The following ABCA13 variants were observed in gnomAD, a reference collection of about 807,000 sequenced individuals.
ABCA13 encodes the protein ATP-binding cassette sub-family A member 13.
Under a neutral mutation model 478.7 loss-of-function variants are expected in ABCA13, and 476 were observed. The ratio of observed to expected loss-of-function variants is 0.99; its 90% CI spans 0.92 to 1.07. The LOEUF is 1.07. Among genes scored for constraint, ABCA13 ranks in the 50% least tolerant of loss-of-function variants. The probability of loss-of-function intolerance (pLI) is 0.00; values close to 1 mark genes in which losing one functional copy is unlikely to be tolerated. For missense variants in ABCA13, 6,060 were observed against 5,910.6 expected, an observed-to-expected ratio of 1.03 and a Z score of -0.83; for synonymous variants, 2,252 against 2,158.9, an observed-to-expected ratio of 1.04 and a Z score of -1.20.
intron 52 of ABCA13, among the ~76,000 whole-genome samples, chr7:48,517,163 CT>C (rs755882397): frequency 1.3e-5 from 2 of 152,178 alleles, no homozygotes; most frequent in Non-Finnish European, 2.9e-5. Context: ...TGCCGCATCC[CT>C]AGCATTTTCA....
In ABCA13 at chr7:48,271,800, A is replaced by T; in HGVS notation, c.2134A>T (p.Thr712Ser). Residue 712 changes from threonine (T) to serine (S), a missense_variant, in exon 17 of 62, where the codon ACA becomes TCA. Physicochemically the swap from Thr to Ser is moderately conservative, Grantham distance 58. This residue lies in a region of ABCA13 where 4,423 missense variants were observed against 4,309.1 expected (regional missense o/e 1.03). Transcript: ENST00000435803. ...TASISRALNF[T>S]KHLLMMEKKL... ...TTAATATTACAGGGCTTTAAATTTC[A>T]CAAAGCACCTTCTAATGATGGAAAA... 6.7e-7 allele frequency: 1 copy of T among 1,502,194 alleles called. No individual in the cohort carries two copies. The highest frequency in any genetic ancestry group is 2.5e-5 in the East Asian group (1 of 40,574). The allele number at this position is 1,502,194 out of a possible 1,614,324, so 93.1% of individuals were successfully genotyped here.
intron 39 of ABCA13, 49 bp from the exon 40 acceptor site, chr7:48,410,471 C>G: frequency 6.2e-7 from 1 of 1,610,410 alleles, no homozygotes; most frequent in Non-Finnish European, 8.5e-7. Flanking sequence ...GAAGGTCCTC[C>G]TGGGGCCTTT....
intron 5 of ABCA13, among the ~76,000 whole-genome samples, chr7:48,224,298 C>A (rs534218333): frequency 6.6e-6 from 1 of 152,310 alleles, no homozygotes; most frequent in Admixed American, 6.5e-5. Context: ...GCTGGGGTGA[C>A]CACCAGACTC....
intron 51 of ABCA13, among the ~76,000 whole-genome samples, chr7:48,514,635 T>C (rs373251286): frequency 1.3e-4 from 20 of 152,184 alleles, no homozygotes; most frequent in South Asian, 4.1e-4. Flanking sequence ...TCAAAACAGT[T>C]GCGTGAAGGA....
chr7:48,219,963 A>G (rs1169741336), intron 4 of ABCA13, among the ~76,000 whole-genome samples: 1 of 150,344 alleles, frequency 6.7e-6, no homozygotes, highest in Non-Finnish European at 1.5e-5. Flanking sequence ...CTTCTTGTAT[A>G]TTTGGATTGG....
At chr7:48,537,086 T>C (rs566307264) in intron 55 of ABCA13, among the ~76,000 whole-genome samples, 1 of 152,260 alleles carries the variant, frequency 6.6e-6, no homozygotes, top group African/African-American at 2.4e-5. Context: ...TTTTCCAGAT[T>C]CTGACTTTTA....
intron 7 of ABCA13, among the ~76,000 whole-genome samples, chr7:48,230,967 G>C (rs1162249571): frequency 6.6e-6 from 1 of 152,100 alleles, no homozygotes; most frequent in Admixed American, 6.6e-5. Context: ...AGAATGCATG[G>C]ACACAGGGAG....
chr7:48,265,414 T>C (rs1794741665), intron 15 of ABCA13, among the ~76,000 whole-genome samples: 1 of 151,602 alleles, frequency 6.6e-6, no homozygotes, highest in African/African-American at 2.4e-5. Flanking sequence ...TTCTAGCTCA[T>C]GGTATATCTC....
intron 3 of ABCA13, among the ~76,000 whole-genome samples, chr7:48,217,903 A>C (rs181776062): frequency 6.6e-6 from 1 of 152,170 alleles, no homozygotes; most frequent in Non-Finnish European, 1.5e-5. Flanking sequence ...ATTACCTGAT[A>C]AAAGTCTCAA....
At chr7:48,369,677 G>A (rs543834543) in intron 32 of ABCA13, among the ~76,000 whole-genome samples, 7 of 152,090 alleles carry the variant, frequency 4.6e-5, no homozygotes, top group Non-Finnish European at 7.4e-5. Context: ...GTTTTTGTTT[G>A]CTTTGTTGAA....
intron 55 of ABCA13, among the ~76,000 whole-genome samples, chr7:48,573,098 A>G (rs1467375393): frequency 6.6e-6 from 1 of 152,042 alleles, no homozygotes; most frequent in African/African-American, 2.4e-5. Flanking sequence ...ATCAAATTAT[A>G]TTAATGTTTC....
At chr7:48,634,537 AT>A (rs532752898) in intron 59 of ABCA13, among the ~76,000 whole-genome samples, 21 of 151,508 alleles carry the variant, frequency 1.4e-4, no homozygotes, top group African/African-American at 4.4e-4. Flanking sequence ...ACATTTGTTG[AT>A]TTTTTTTCAT....
intron 29 of ABCA13, among the ~76,000 whole-genome samples, chr7:48,341,570 T>C (rs941281816): frequency 1.6e-4 from 25 of 151,996 alleles, no homozygotes; most frequent in Admixed American, 6.6e-4. Flanking sequence ...TTACCAATAA[T>C]TTTGCATCTC....
intron 35 of ABCA13, among the ~76,000 whole-genome samples, chr7:48,381,391 G>A (rs957257950): frequency 1.1e-4 from 16 of 147,330 alleles, no homozygotes; most frequent in African/African-American, 2.8e-4. Context: ...ACACACACAC[G>A]CACGCACACA....
intron 15 of ABCA13, among the ~76,000 whole-genome samples, chr7:48,252,063 T>C (rs1191442189): frequency 1.3e-5 from 2 of 152,200 alleles, no homozygotes; most frequent in Non-Finnish European, 2.9e-5. Context: ...TATATCCATT[T>C]AGTTTTCAAA....
intron 27 of ABCA13, among the ~76,000 whole-genome samples, chr7:48,325,822 A>G (rs906400309): frequency 1.3e-5 from 2 of 152,212 alleles, no homozygotes; most frequent in African/African-American, 2.4e-5. Flanking sequence ...AAACAGAACT[A>G]CAAGTGACTT....
intron 35 of ABCA13, among the ~76,000 whole-genome samples, chr7:48,377,039 C>A (rs73099324): frequency 0.12 from 18,959 of 152,056 alleles, 1,312 homozygotes; most frequent in East Asian, 0.31. Flanking sequence ...AGCCTAAAGG[C>A]AGCTGGACAG....
chr7:48,372,659 C>T lies in ABCA13; in HGVS notation c.11133+162C>T, dbSNP rs954707559. ...TAAAATCTTACCCACAAATGCAAAC[C>T]GTTGAAACTGCAGGGTTTTTGCTGG... On this transcript the variant is annotated intron_variant, in intron 33 of 61. Transcript: ENST00000435803. Among the ~76,000 whole-genome samples, 3 of 152,098 alleles carry T rather than the reference C, an allele frequency of 2.0e-5. No individual in the cohort carries two copies. The East Asian group carries it at 5.8e-4, about 29-fold the overall frequency.
At chr7:48,216,730 T>C (rs188072991) in intron 3 of ABCA13, among the ~76,000 whole-genome samples, 32 of 152,346 alleles carry the variant, frequency 2.1e-4, no homozygotes, top group African/African-American at 7.5e-4. Flanking sequence ...TACATTTTAG[T>C]CTATTATCCA....
Sources: gnomAD v4.1 joint callset for allele counts (sites outside exome capture counted in the v4.1 genomes callset) on GRCh38, gnomAD v4.1.1 for gene constraint, gnomAD v4.1.1 regional missense constraint, MANE v1.5 for transcripts, NCBI Gene and HGNC (gene_info 2026-07-23, HGNC 2026-07-21) for gene names.